The following TIPIN variants were observed in gnomAD, a reference collection of about 807,000 sequenced individuals.
TIPIN encodes TIMELESS interacting protein, also known as TIMELESS-interacting protein.
In TIPIN, 29 loss-of-function variants were observed where a neutral mutation model predicts 35.6. The observed-to-expected ratio is 0.82, with a 90% CI of 0.61 to 1.11. TIPIN has a LOEUF of 1.11. TIPIN is among the 50% of genes most tolerant of loss of function. TIPIN has a pLI of 0.00. For synonymous variants in TIPIN, 102 were observed against 121.5 expected (o/e 0.84, Z 1.06); for missense variants, 296 against 345.4 (o/e 0.86, Z 1.13).
At chr15:66,373,501 A>C (rs2093285075) in intron 1 of TIPIN, among the ~76,000 whole-genome samples, 2 of 151,864 alleles carry the variant, frequency 1.3e-5, no homozygotes, top group Admixed American at 6.6e-5. Context: ...TCAAAAAAAA[A>C]AAAAAAGGAA....
At chr15:66,355,948 T>G (rs1427421764) in intron 1 of TIPIN, among the ~76,000 whole-genome samples, 1 of 149,518 alleles carries the variant, frequency 6.7e-6, no homozygotes, top group African/African-American at 2.6e-5. Context: ...TATTTCTTTC[T>G]TCTATTTGTA....
intron 1 of TIPIN, among the ~76,000 whole-genome samples, chr15:66,373,370 G>A (rs1399046887): frequency 6.6e-6 from 1 of 152,014 alleles, no homozygotes; most frequent in African/African-American, 2.4e-5. Context: ...GCGGGCGCCT[G>A]TAGTCCCAGC....
intron 7 of TIPIN, among the ~76,000 whole-genome samples, chr15:66,338,954 A>G (rs972342740): frequency 2.0e-5 from 3 of 151,556 alleles, no homozygotes; most frequent in Middle Eastern, 3.4e-3. Context: ...AACACAGTGA[A>G]ATCCCTTCTC....
At chr15:66,348,706 G>T (rs2093145675) in intron 6 of TIPIN, among the ~76,000 whole-genome samples, 1 of 150,386 alleles carries the variant, frequency 6.6e-6, no homozygotes, top group East Asian at 2.0e-4. Flanking sequence ...AAAAAAAAAA[G>T]TTGGCCAGGC....
chr15:66,339,143 A>G (rs1037644689), intron 7 of TIPIN, among the ~76,000 whole-genome samples: 2 of 54,580 alleles, frequency 3.7e-5, no homozygotes, highest in African/African-American at 2.1e-4. Context: ...AAAAAAAAAA[A>G]AAAAAAAAAA....
chr15:66,369,899 TC>T (rs2093271744), intron 1 of TIPIN, among the ~76,000 whole-genome samples: 1 of 152,284 alleles, frequency 6.6e-6, no homozygotes, highest in African/African-American at 2.4e-5. Context: ...CTGCTTGTAA[TC>T]TTTGCAAAGC....
intron 7 of TIPIN, among the ~76,000 whole-genome samples, chr15:66,337,978 A>G (rs377456016): frequency 4.6e-5 from 7 of 152,296 alleles, no homozygotes; most frequent in Admixed American, 2.0e-4. Context: ...ACTATTGGCC[A>G]GGCACAGTGG....
At chr15:66,385,372 T>C (rs1337267162) in intron 1 of TIPIN, among the ~76,000 whole-genome samples, 1 of 152,204 alleles carries the variant, frequency 6.6e-6, no homozygotes. Flanking sequence ...TATTTTAGGA[T>C]GGGAAAGGGG....
intron 1 of TIPIN, chr15:66,380,077 C>T (rs958319319): frequency 1.0e-5 from 4 of 386,338 alleles, no homozygotes; most frequent in African/African-American, 4.3e-5. Context: ...TCTGGGCTCA[C>T]TGCAACCTCC....
At chr15:66,345,582 G>A (rs961170591) in intron 6 of TIPIN, among the ~76,000 whole-genome samples, 2 of 152,080 alleles carry the variant, frequency 1.3e-5, no homozygotes, top group African/African-American at 2.4e-5. Flanking sequence ...AGGTGTGGTG[G>A]TGCACACCTG....
chr15:66,352,442 G>C (rs2093174538), intron 2 of TIPIN, among the ~76,000 whole-genome samples: 2 of 152,110 alleles, frequency 1.3e-5, no homozygotes, highest in Non-Finnish European at 2.9e-5. Flanking sequence ...GGAAGTACAG[G>C]TGCTGCCTAC....
chr15:66,346,483 T>C (rs940747171), intron 6 of TIPIN, among the ~76,000 whole-genome samples: 1 of 152,108 alleles, frequency 6.6e-6, no homozygotes, highest in Non-Finnish European at 1.5e-5. Context: ...CCCAGGGACA[T>C]GTAACTATGC....
At chr15:66,371,828 T>G (rs2140491009) in intron 1 of TIPIN, among the ~76,000 whole-genome samples, 1 of 152,156 alleles carries the variant, frequency 6.6e-6, no homozygotes, top group East Asian at 1.9e-4. Context: ...GGTAATTGTT[T>G]CTTTTGCCCA....
At chr15:66,378,901 TAA>T (rs1199176169) in intron 1 of TIPIN, among the ~76,000 whole-genome samples, 1 of 152,152 alleles carries the variant, frequency 6.6e-6, no homozygotes, top group Non-Finnish European at 1.5e-5. Flanking sequence ...CATGCCTGGC[TAA>T]GTTTATCTTT....
At chr15:66,375,528 T>TATATATA (rs1566986565) in intron 1 of TIPIN, among the ~76,000 whole-genome samples, 1 of 139,056 alleles carries the variant, frequency 7.2e-6, no homozygotes, top group African/African-American at 2.7e-5. Flanking sequence ...TATATATATA[T>TATATATA]TTCAAAAGCC....
chr15:66,375,267 G>A (rs2093292257), intron 1 of TIPIN, among the ~76,000 whole-genome samples: 1 of 151,882 alleles, frequency 6.6e-6, no homozygotes, highest in Non-Finnish European at 1.5e-5. Flanking sequence ...TTTAGCCTGG[G>A]TAACACAGTA....
chr15:66,356,566 C>G, intron 1 of TIPIN, 73 bp downstream of exon 1: 1 of 973,262 alleles, frequency 1.0e-6, no homozygotes, highest in Non-Finnish European at 1.2e-6. Flanking sequence ...CCTGGCTCTT[C>G]CATCTGGCTC....
chr15:66,363,533 T>G (rs1027501091), intron 1 of TIPIN, among the ~76,000 whole-genome samples: 7 of 151,706 alleles, frequency 4.6e-5, no homozygotes, highest in Non-Finnish European at 1.0e-4. Flanking sequence ...TCCCAGCTAC[T>G]CAGGAGGCTG....
intron 3 of TIPIN, 44 bp downstream of exon 3, chr15:66,352,085 T>C (rs765284797): frequency 2.1e-6 from 3 of 1,435,912 alleles, no homozygotes; most frequent in Middle Eastern, 3.8e-4. Context: ...ACAATGGATA[T>C]TAAAAATAAA....
Sources: gnomAD v4.1 joint callset for allele counts (sites outside exome capture counted in the v4.1 genomes callset) on GRCh38, gnomAD v4.1.1 for gene constraint, MANE v1.5 for transcripts, NCBI Gene and HGNC (gene_info 2026-07-23, HGNC 2026-07-21) for gene names.